The following MED15 variants were observed in gnomAD, a reference collection of about 807,000 sequenced individuals.
MED15 encodes the protein mediator complex subunit 15.
A neutral mutation model predicts 118.7 loss-of-function variants in MED15; 41 were observed. The ratio of observed to expected loss-of-function variants is 0.35; its 90% confidence interval spans 0.27 to 0.45. The LOEUF is 0.45. MED15 is among the 20% of genes least tolerant of loss of function. MED15 has a pLI of 1.00. For missense variants in MED15, 740 were observed against 1,025.5 expected (o/e 0.72, Z 3.80); for synonymous variants, 436 against 413.9 (o/e 1.05, Z -0.65).
intron 1 of MED15, among the ~76,000 whole-genome samples, chr22:20,526,797 C>T (rs559406999): frequency 1.1e-4 from 16 of 152,248 alleles, no homozygotes; most frequent in African/African-American, 3.6e-4. Flanking sequence ...AGGCAGTGGC[C>T]GCAGGTGTGG....
chr22:20,564,070 T>C (rs778262927), intron 5 of MED15, among the ~76,000 whole-genome samples: 7 of 152,146 alleles, frequency 4.6e-5, no homozygotes, highest in Admixed American at 2.0e-4. Context: ...CTCGTAAATA[T>C]TATGCTAAAG....
chr22:20,530,710 G>A (rs1282610194), intron 1 of MED15, among the ~76,000 whole-genome samples: 1 of 152,100 alleles, frequency 6.6e-6, no homozygotes, highest in Admixed American at 6.5e-5. Context: ...GGGAGTTGGG[G>A]TGGGGAGGCC....
In MED15 at chr22:20,507,642, C is replaced by G; in HGVS notation, c.-37C>G. Reference sequence around the variant, plus strand: ...TGACTGAGGCGGCGGCGGTGGCGGCCAAGCGGGATACGGGCGGCGGGAGCT... The same window carrying G: ...TGACTGAGGCGGCGGCGGTGGCGGCGAAGCGGGATACGGGCGGCGGGAGCT... On this transcript the variant is annotated 5_prime_UTR_variant, in exon 1 of 18. Coordinates refer to ENST00000263205, the MANE Select transcript of MED15 (RefSeq NM_001003891.3). 1 of 1,613,406 alleles carries G rather than the reference C, an allele frequency of 6.2e-7. No individual in the cohort carries two copies. The highest frequency in any genetic ancestry group is 1.3e-5 in the African/African-American group (1 of 75,068).
intron 2 of MED15, among the ~76,000 whole-genome samples, chr22:20,549,909 G>A (rs2055703928): frequency 6.6e-6 from 1 of 152,236 alleles, no homozygotes; most frequent in Admixed American, 6.5e-5. Context: ...GGGCTTTGGT[G>A]ACATGGTCCT....
intron 1 of MED15, among the ~76,000 whole-genome samples, chr22:20,520,594 C>T (rs560562353): frequency 4.6e-5 from 7 of 152,256 alleles, no homozygotes; most frequent in African/African-American, 9.6e-5. Context: ...TCACAGTGAA[C>T]GACACGCATA....
In MED15 at chr22:20,585,333, C is replaced by T. The variant is rs957932142; in HGVS notation, c.2131+66C>T. Reference sequence around the variant, plus strand: ...CCCTGACCGCAGCCCCAGGACTCTGCCATCCAAGCCAGATGGCACAGCGCC... The same window carrying T: ...CCCTGACCGCAGCCCCAGGACTCTGTCATCCAAGCCAGATGGCACAGCGCC... On this transcript the variant is annotated intron_variant, in intron 16 of 17. Coordinates refer to ENST00000263205, the MANE Select transcript of MED15 (RefSeq NM_001003891.3). 17 of 1,570,232 alleles carry T rather than the reference C, an allele frequency of 1.1e-5. No individual in the cohort carries two copies. In the African/African-American group the frequency reaches 1.9e-4, roughly 17 times the overall value.
intron 5 of MED15, among the ~76,000 whole-genome samples, chr22:20,561,860 T>G (rs1420059424): frequency 6.6e-6 from 1 of 151,904 alleles, no homozygotes; most frequent in Non-Finnish European, 1.5e-5. Flanking sequence ...ACATAAAATT[T>G]AAAAATTACC....
chr22:20,579,895 T>A (rs1353126339), intron 9 of MED15, among the ~76,000 whole-genome samples: 1 of 152,114 alleles, frequency 6.6e-6, no homozygotes, highest in African/African-American at 2.4e-5. Context: ...ATTCTTGTCC[T>A]GGGGCCTTTG....
intron 1 of MED15, among the ~76,000 whole-genome samples, chr22:20,529,494 G>A (rs2054777738): frequency 6.6e-6 from 1 of 152,134 alleles, no homozygotes; most frequent in South Asian, 2.1e-4. Flanking sequence ...GCTTGATCTT[G>A]GCTCACTGCA....
rs1385475211 is a variant in MED15 at position 20,585,384 on chromosome 22, C to T, written c.2131+117C>T. On this transcript the variant is annotated intron_variant, in intron 16 of 17. Coordinates refer to ENST00000263205, the MANE Select transcript of MED15 (RefSeq NM_001003891.3). ...CAGAACCCACCCTGTGTTCACGCCCCGCCAGGCTGTCTGCTCTATCCTCAC... is the reference window on the plus strand; with the variant it reads ...CAGAACCCACCCTGTGTTCACGCCCTGCCAGGCTGTCTGCTCTATCCTCAC... 59 of 1,347,966 alleles carry T rather than the reference C, an allele frequency of 4.4e-5. No homozygotes were observed. The East Asian group carries it at 1.3e-3, about 29-fold the overall frequency. 83.5% of individuals were successfully genotyped at this position (1,347,966 alleles called of 1,614,324 possible).
intron 2 of MED15, among the ~76,000 whole-genome samples, chr22:20,549,883 C>T (rs2055702552): frequency 6.6e-6 from 1 of 152,172 alleles, no homozygotes; most frequent in South Asian, 2.1e-4. Context: ...TTGCTCAGCC[C>T]TGGTGTTATG....
In MED15 at chr22:20,586,799, G is replaced by A. The variant is rs1053231974; in HGVS notation, c.*95G>A. ...GGTGTTGGCTTCCTTAGAGAGCCTGGGGTTAGGTTAGCTTTCCTGCTTTTA... is the reference window on the plus strand; with the variant it reads ...GGTGTTGGCTTCCTTAGAGAGCCTGAGGTTAGGTTAGCTTTCCTGCTTTTA... On this transcript the variant is annotated 3_prime_UTR_variant, in exon 18 of 18. Transcript: ENST00000263205. 2 of 1,521,262 alleles carry A rather than the reference G, an allele frequency of 1.3e-6. No individual in the cohort carries two copies. The highest frequency in any genetic ancestry group is 2.4e-5 in the South Asian group (2 of 83,842). 94.2% of individuals were successfully genotyped at this position (1,521,262 alleles called of 1,614,324 possible). A position where few individuals can be genotyped will look rare whatever the true frequency, so the allele number is the denominator to read the frequency against.
In MED15 at chr22:20,511,988, C is replaced by CTTTTTTTTTTTTTTT. The variant is rs746240328; in HGVS notation, c.68+4245_68+4259dup. On this transcript the variant is annotated intron_variant, in intron 1 of 17. Coordinates refer to ENST00000263205, the MANE Select transcript of MED15 (RefSeq NM_001003891.3). The stretch of plus-strand genomic sequence containing the variant: ...CTTTCAGCTTCTTGAACATTCTAAG[C>CTTTTTTTTTTTTTTT]TTTTTTTTTTTTTTTTTGGAGACAA... 8.7e-5 allele frequency among the ~76,000 whole-genome samples: 8 copies of CTTTTTTTTTTTTTTT among 92,200 alleles called. 1 individual carries two copies. The highest frequency in any genetic ancestry group is 1.2e-4 in the Non-Finnish European group (6 of 50,686). 60.5% of individuals were successfully genotyped at this position (92,200 alleles called of 152,430 possible).
intron 8 of MED15, among the ~76,000 whole-genome samples, chr22:20,570,284 A>G (rs746097527): frequency 5.3e-5 from 8 of 152,096 alleles, no homozygotes; most frequent in African/African-American, 7.2e-5. Flanking sequence ...TGGCCTCCCA[A>G]AGTGCTGAGA....
intron 5 of MED15, among the ~76,000 whole-genome samples, chr22:20,560,423 C>T (rs1327965940): frequency 1.3e-5 from 2 of 152,160 alleles, no homozygotes; most frequent in Admixed American, 1.3e-4. Flanking sequence ...CGCCACTACG[C>T]CCAGCTAATT....
intron 5 of MED15, among the ~76,000 whole-genome samples, chr22:20,563,754 G>T (rs371462799): frequency 2.0e-5 from 3 of 152,312 alleles, no homozygotes; most frequent in Admixed American, 6.5e-5. Flanking sequence ...CTTTAATACA[G>T]CTTTATTGAG....
At chr22:20,545,614 A>G (rs1156641512) in intron 2 of MED15, among the ~76,000 whole-genome samples, 1 of 152,080 alleles carries the variant, frequency 6.6e-6, no homozygotes. Flanking sequence ...TATTACATAT[A>G]TTTTTAATGG....
At chr22:20,581,756 T>TGCAGGTAGATGCCTGGGTGCAG (rs1360640567) in intron 9 of MED15, 1 of 152,138 alleles carries the variant, frequency 6.6e-6, no homozygotes, top group Non-Finnish European at 1.5e-5. Context: ...GATGCCTGGG[T>TGCAGGTAGATGCCTGGGTGCAG]GGTGTGGTTT....
At chr22:20,578,006 C>T (rs2056871987) in intron 9 of MED15, among the ~76,000 whole-genome samples, 1 of 152,124 alleles carries the variant, frequency 6.6e-6, no homozygotes. Context: ...CTCACTGCAA[C>T]CTCCACCTCC....
Sources: gnomAD v4.1 joint callset for allele counts (sites outside exome capture counted in the v4.1 genomes callset) on GRCh38, gnomAD v4.1.1 for gene constraint, MANE v1.5 for transcripts, NCBI Gene and HGNC (gene_info 2026-07-23, HGNC 2026-07-21) for gene names.